GAREM1: variants seen among roughly 807,000 people sequenced by gnomAD.
GAREM1 encodes the protein GRB2-associated and regulator of MAPK protein 1.
GAREM1 carries 26 observed loss-of-function variants against 71.3 expected under a neutral mutation model. The observed-to-expected ratio is 0.36, with a 90% CI of 0.27 to 0.51. The LOEUF is 0.51. Ranked by LOEUF, GAREM1 falls within the 20% of genes least tolerant of loss-of-function variation. GAREM1 has a pLI of 0.95. For synonymous variants in GAREM1, 440 were observed against 433.2 expected (o/e 1.02, Z -0.20); for missense variants, 1,026 against 1,103.1 (o/e 0.93, Z 0.99).
chr18:32,400,941 TAGAC>T (rs1334238592), intron 1 of GAREM1, among the ~76,000 whole-genome samples: 1 of 151,968 alleles, frequency 6.6e-6, no homozygotes, highest in Admixed American at 6.6e-5. Context: ...CCAACAATGA[TAGAC>T]AGGATTAAGA....
intron 2 of GAREM1, among the ~76,000 whole-genome samples, chr18:32,378,796 G>A (rs1444916713): frequency 3.9e-5 from 6 of 152,146 alleles, no homozygotes; most frequent in African/African-American, 1.4e-4. Context: ...AGTCTCCTCA[G>A]CAGACTCAGG....
intron 2 of GAREM1, among the ~76,000 whole-genome samples, chr18:32,363,538 T>C (rs764321325): frequency 6.6e-6 from 1 of 152,202 alleles, no homozygotes; most frequent in Non-Finnish European, 1.5e-5. Flanking sequence ...GAAAAATCCT[T>C]TTTGAACCGG....
At position 32,446,249 on chromosome 18, in the gene GAREM1, T is replaced by TGTGTGCGC. The variant is rs141510183; in HGVS notation, c.121+24058_121+24059insGCGCACAC. The stretch of plus-strand genomic sequence containing the variant: ...GTGTGTGTGTGTGTGTGTGTGTGTG[T>TGTGTGCGC]GTGTATAACAACAGAATTGTTCACC... On this transcript the variant is annotated intron_variant, in intron 1 of 5. Transcript: ENST00000269209. Among the ~76,000 whole-genome samples, 3,594 of 151,960 alleles carry TGTGTGCGC rather than the reference T, an allele frequency of 0.024. 312 individuals are homozygous for TGTGTGCGC. In the East Asian group the frequency reaches 0.3, roughly 13 times the overall value.
intron 1 of GAREM1, among the ~76,000 whole-genome samples, chr18:32,415,633 T>C (rs1003065954): frequency 1.3e-5 from 2 of 152,084 alleles, no homozygotes; most frequent in South Asian, 4.1e-4. Context: ...CATATGGTCA[T>C]TTTACTGATG....
At chr18:32,417,750 G>C (rs949994077) in intron 1 of GAREM1, among the ~76,000 whole-genome samples, 1 of 152,060 alleles carries the variant, frequency 6.6e-6, no homozygotes, top group Non-Finnish European at 1.5e-5. Flanking sequence ...GGAGGAAGGT[G>C]GGGATGGTTA....
intron 1 of GAREM1, among the ~76,000 whole-genome samples, chr18:32,420,637 C>T (rs939266178): frequency 1.3e-5 from 2 of 151,934 alleles, no homozygotes; most frequent in African/African-American, 2.4e-5. Flanking sequence ...TCCCGGCTGA[C>T]GCAGTGGCTC....
intron 3 of GAREM1, among the ~76,000 whole-genome samples, chr18:32,294,454 T>C (rs530376707): frequency 3.3e-4 from 51 of 152,330 alleles, no homozygotes; most frequent in African/African-American, 1.2e-3. Context: ...GTTGAAAAAT[T>C]TGCCTTTTCC....
Position 32,432,497 on chromosome 18 carries a change from A to G in GAREM1, c.121+37811T>C, listed in dbSNP as rs943812154. On this transcript the variant is annotated intron_variant, in intron 1 of 5. Coordinates refer to ENST00000269209, the MANE Select transcript of GAREM1 (RefSeq NM_001242409.2). ...ATAGAAAAACAATAGAGAAAAATCA[A>G]TAAGTCTAAAGATCTTTCTCTGAAA... 3.9e-4 allele frequency among the ~76,000 whole-genome samples: 60 copies of G among 152,150 alleles called. 1 individual carries two copies. Among genetic ancestry groups the G allele is most frequent in the African/African-American group, 1.4e-3 (58 of 41,466 alleles).
intron 1 of GAREM1, among the ~76,000 whole-genome samples, chr18:32,418,055 A>G (rs2048481307): frequency 1.3e-5 from 2 of 152,282 alleles, no homozygotes; most frequent in East Asian, 1.9e-4. Flanking sequence ...CCCCATTCCA[A>G]TTCTCCACCA....
chr18:32,421,639 G>GACCAGC (rs142021613), intron 1 of GAREM1, among the ~76,000 whole-genome samples: 2,435 of 152,246 alleles, frequency 0.016, 77 homozygotes, highest in African/African-American at 0.056. Context: ...CACAGATAAA[G>GACCAGC]ACAGCTCCAG....
At chr18:32,305,151 A>G (rs917623757) in intron 3 of GAREM1, among the ~76,000 whole-genome samples, 5 of 152,200 alleles carry the variant, frequency 3.3e-5, no homozygotes, top group African/African-American at 1.2e-4. Flanking sequence ...AAAAAGTGAA[A>G]GAGACAGGTG....
intron 1 of GAREM1, among the ~76,000 whole-genome samples, chr18:32,459,837 C>T (rs2048935579): frequency 6.6e-6 from 1 of 152,086 alleles, no homozygotes; most frequent in Non-Finnish European, 1.5e-5. Context: ...GAGAATCAAT[C>T]ATGGAATATA....
intron 1 of GAREM1, among the ~76,000 whole-genome samples, chr18:32,436,137 C>G (rs988314207): frequency 1.3e-5 from 2 of 152,028 alleles, no homozygotes; most frequent in Non-Finnish European, 2.9e-5. Context: ...TACGGTAGAA[C>G]TGATTAAGTT....
chr18:32,436,298 G>T (rs2048677607), intron 1 of GAREM1, among the ~76,000 whole-genome samples: 1 of 152,240 alleles, frequency 6.6e-6, no homozygotes, highest in East Asian at 1.9e-4. Context: ...TAAGTTAAAG[G>T]GAAACAGGCA....
At chr18:32,279,049 G>A (rs1172557664) in intron 4 of GAREM1, among the ~76,000 whole-genome samples, 1 of 152,140 alleles carries the variant, frequency 6.6e-6, no homozygotes, top group Non-Finnish European at 1.5e-5. Flanking sequence ...AACATTTAGG[G>A]TGCTTTCATG....
At position 32,470,599 on chromosome 18, in the gene GAREM1, G is replaced by A. The variant is rs1001869807; in HGVS notation, c.-171C>T. 1 of 248,212 alleles carries A rather than the reference G, an allele frequency of 4.0e-6. No homozygotes were observed. Among genetic ancestry groups the A allele is most frequent in the African/African-American group, 2.3e-5 (1 of 42,776 alleles). 15.4% of individuals were successfully genotyped at this position (248,212 alleles called of 1,614,324 possible). ...GCGACTGGGGCGGCCCGGAGGGAGG[G>A]GGCCGGCGCCCGGCTCAGCTGCCGC... is the stretch of plus-strand genomic sequence containing the variant. On this transcript the variant is annotated 5_prime_UTR_variant, in exon 1 of 6. Transcript: ENST00000269209. The surrounding 1 kb of genome is among the most constrained non-coding windows in gnomAD (Gnocchi z 4.4).
chr18:32,325,972 C>T (rs1841119), intron 2 of GAREM1, among the ~76,000 whole-genome samples: 15,320 of 152,164 alleles, frequency 0.1, 1,146 homozygotes, highest in African/African-American at 0.21. Context: ...ATACACTTGT[C>T]ATGAATGAAA....
At chr18:32,307,643 C>T (rs2047269751) in intron 3 of GAREM1, among the ~76,000 whole-genome samples, 1 of 152,078 alleles carries the variant, frequency 6.6e-6, no homozygotes, top group Admixed American at 6.5e-5. Context: ...CTGTCTCAGC[C>T]CCACCGAGTA....
chr18:32,390,032 T>A (rs189741214), intron 2 of GAREM1, among the ~76,000 whole-genome samples: 1 of 152,180 alleles, frequency 6.6e-6, no homozygotes, highest in Non-Finnish European at 1.5e-5. Context: ...CCGGGCGTAG[T>A]GCCAGGTACA....
Sources: gnomAD v4.1 joint callset for allele counts (sites outside exome capture counted in the v4.1 genomes callset) on GRCh38, gnomAD v4.1.1 for gene constraint, Gnocchi (gnomAD v3.1) non-coding constraint, MANE v1.5 for transcripts, NCBI Gene and HGNC (gene_info 2026-07-23, HGNC 2026-07-21) for gene names.